Variants in VAV2 observed in about 807,000 individuals in gnomAD.
VAV2 encodes guanine nucleotide exchange factor VAV2.
VAV2 carries 67 observed loss-of-function variants against 132.5 expected under a neutral mutation model. That is an observed-to-expected ratio of 0.51 (90% CI 0.42 to 0.62). VAV2 has a LOEUF of 0.62. VAV2 is among the 20% of genes least tolerant of loss of function. The pLI, the probability that VAV2 is intolerant of heterozygous loss-of-function variation, is 0.00. For missense variants in VAV2, 938 were observed against 1,153.6 expected, an observed-to-expected ratio of 0.81 and a Z score of 2.71; for synonymous variants, 492 against 443.5, an observed-to-expected ratio of 1.11 and a Z score of -1.37.
chr9:133,897,195 G>A (rs898771422), intron 2 of VAV2, among the ~76,000 whole-genome samples: 2 of 152,192 alleles, frequency 1.3e-5, no homozygotes, highest in African/African-American at 2.4e-5. Context: ...GCTGAAGGAC[G>A]CGGGAAAATG....
intron 15 of VAV2, 138 bp from the exon 16 acceptor site, chr9:133,787,398 G>A: frequency 2.0e-6 from 2 of 1,007,098 alleles, no homozygotes; most frequent in Non-Finnish European, 1.3e-6. Flanking sequence ...CTGGGGGTGG[G>A]GTGATCAGTG....
chr9:133,795,858 G>C (rs944761435), intron 11 of VAV2, 122 bp from the exon 12 acceptor site: 1 of 1,053,392 alleles, frequency 9.5e-7, no homozygotes, highest in Non-Finnish European at 1.4e-6. Context: ...ACCCCCACCC[G>C]CCAGCCAGGC....
chr9:133,879,848 G>A lies in VAV2; in HGVS notation c.322-18416C>T, dbSNP rs750140933. On this transcript the variant is annotated intron_variant, in intron 2 of 29. Transcript: ENST00000371850. The surrounding 1 kb of genome is among the most constrained non-coding windows in gnomAD (Gnocchi z 4.4). ...TTATGGAAACAGATGGAAACCGGCCGCAGACGAAGCTCTGGCATCCAGATT... is the reference window on the plus strand; with the variant it reads ...TTATGGAAACAGATGGAAACCGGCCACAGACGAAGCTCTGGCATCCAGATT... 3.4e-4 allele frequency among the ~76,000 whole-genome samples: 52 copies of A among 152,354 alleles called. No homozygotes were observed. Among genetic ancestry groups the A allele is most frequent in the Admixed American group, 4.6e-4 (7 of 15,308 alleles).
At chr9:133,977,289 G>A (rs1165051907) in intron 1 of VAV2, among the ~76,000 whole-genome samples, 2 of 152,232 alleles carry the variant, frequency 1.3e-5, no homozygotes, top group South Asian at 2.1e-4. Flanking sequence ...TCTGAAGGGG[G>A]TCTTGGCTTT....
At chr9:133,910,111 A>C (rs1020777796) in intron 2 of VAV2, among the ~76,000 whole-genome samples, 2 of 151,726 alleles carry the variant, frequency 1.3e-5, no homozygotes, top group Non-Finnish European at 1.5e-5. Context: ...AGCTTCCCCC[A>C]CCCCAGCCCT....
intron 4 of VAV2, among the ~76,000 whole-genome samples, chr9:133,820,279 G>A (rs1481838482): frequency 6.6e-6 from 1 of 152,086 alleles, no homozygotes; most frequent in Non-Finnish European, 1.5e-5. Context: ...ACTGCTACCT[G>A]GCTTCTTGGC....
intron 1 of VAV2, among the ~76,000 whole-genome samples, chr9:133,948,850 C>A (rs1216774905): frequency 6.6e-6 from 1 of 152,242 alleles, no homozygotes; most frequent in South Asian, 2.1e-4. Flanking sequence ...GGAGAAACGG[C>A]TCAGGGACCA....
chr9:133,943,182 T>G (rs191507247), intron 1 of VAV2, among the ~76,000 whole-genome samples: 1 of 152,118 alleles, frequency 6.6e-6, no homozygotes, highest in Non-Finnish European at 1.5e-5. Context: ...CTGTACCCCT[T>G]TCCTCAGTGG....
rs536243453 is a variant in VAV2, at chr9:133,773,016, G to A, written c.2136-970C>T. ...AGCCTACTGCACACCCCACACCTAG[G>A]CTGGACGGCAGAGCCTACTGCACAC... On this transcript the variant is annotated intron_variant, in intron 25 of 29. Coordinates refer to ENST00000371850, the MANE Select transcript of VAV2 (RefSeq NM_001134398.2). 1.9e-3 allele frequency among the ~76,000 whole-genome samples: 257 copies of A among 135,924 alleles called. 2 individuals are homozygous for A. Among genetic ancestry groups the A allele is most frequent in the African/African-American group, 6.4e-3 (236 of 36,684 alleles). 89.2% of individuals were successfully genotyped at this position (135,924 alleles called of 152,430 possible). A position where few individuals can be genotyped will look rare whatever the true frequency, so the allele number is the denominator to read the frequency against.
chr9:133,780,042 A>G (rs1194748764), intron 20 of VAV2, 103 bp from the exon 21 acceptor site: 1 of 1,504,236 alleles, frequency 6.6e-7, no homozygotes, highest in South Asian at 1.2e-5. Context: ...TAGTTCCTAG[A>G]TAGAGGGGTC....
At chr9:133,797,271 C>T (rs566676200) in intron 10 of VAV2, among the ~76,000 whole-genome samples, 5 of 151,986 alleles carry the variant, frequency 3.3e-5, no homozygotes, top group African/African-American at 1.2e-4. Flanking sequence ...CCCGGGACTC[C>T]CTGGGGTCAG....
intron 2 of VAV2, among the ~76,000 whole-genome samples, chr9:133,933,521 TGATGGACGAATGGATGAGTG>T (rs1840762959): frequency 7.4e-6 from 1 of 136,024 alleles, no homozygotes; most frequent in Admixed American, 7.5e-5. Context: ...GATGGATGAA[TGATGGACGAATGGATGAGTG>T]GATGGATGGA....
At position 133,912,766 on chromosome 9, in the gene VAV2, A is replaced by C. The variant is rs1839928837; in HGVS notation, c.321+26337T>G. ...CTTTTATTTCTGCACTAAGCTAATAAGTACTTGTTCAGCCCCTCTAAAATC... is the reference window on the plus strand; with the variant it reads ...CTTTTATTTCTGCACTAAGCTAATACGTACTTGTTCAGCCCCTCTAAAATC... On this transcript the variant is annotated intron_variant, in intron 2 of 29. Transcript: ENST00000371850. The surrounding 1 kb of genome is among the most constrained non-coding windows in gnomAD (Gnocchi z 4.3). Among the ~76,000 whole-genome samples, 1 of 152,184 alleles carries C rather than the reference A, an allele frequency of 6.6e-6. No individual in the cohort carries two copies. The highest frequency in any genetic ancestry group is 1.5e-5 in the Non-Finnish European group (1 of 68,034).
rs757780660 is a variant in VAV2, at chr9:133,795,693, A to G, written c.1076T>C (p.Leu359Pro). Residue 359 changes from leucine to proline, a missense_variant, in exon 12 of 30, where the codon CTC (leucine) becomes CCC (proline). Leu to Pro is a moderately conservative substitution (Grantham distance 98, BLOSUM62 -3). Coordinates refer to ENST00000371850, the MANE Select transcript of VAV2 (RefSeq NM_001134398.2). ...CTGCATGGCTTCCAGTGCTTCTTTG[A>G]GCTGCTGCCTCTCAGGCCGTTCCGC... ...HSAERPERQQ[L>P]KEALEAMQDL... 6.2e-7 allele frequency: 1 copy of G among 1,614,104 alleles called. No individual in the cohort carries two copies. Among genetic ancestry groups the G allele is most frequent in the Non-Finnish European group, 8.5e-7 (1 of 1,179,996 alleles).
intron 2 of VAV2, among the ~76,000 whole-genome samples, chr9:133,880,638 G>A (rs1278487610): frequency 6.6e-6 from 1 of 152,178 alleles, no homozygotes; most frequent in Non-Finnish European, 1.5e-5. Flanking sequence ...GACATAAAGG[G>A]GAAACTGAGG....
chr9:133,876,389 G>A (rs775690740), intron 2 of VAV2, among the ~76,000 whole-genome samples: 22 of 152,238 alleles, frequency 1.4e-4, no homozygotes, highest in Non-Finnish European at 2.9e-4. Context: ...GGCAAGGGAC[G>A]GGGTGGGTGT....
rs534933639 is a variant in VAV2, at chr9:133,897,529, C to T, written c.322-36097G>A. ...GGGTCCCAGGAGGGTGAGCTCCTTC[C>T]TGTCTCCCCCAGCCCAGAGCTGAGC... On this transcript the variant is annotated intron_variant, in intron 2 of 29. Coordinates refer to ENST00000371850, the MANE Select transcript of VAV2 (RefSeq NM_001134398.2). 1.8e-4 allele frequency among the ~76,000 whole-genome samples: 27 copies of T among 152,266 alleles called. No homozygotes were observed. In the South Asian group the frequency reaches 3.3e-3, roughly 19 times the overall value.
rs148767369 is a variant in VAV2 at position 133,884,557 on chromosome 9, C to T, written c.322-23125G>A. On this transcript the variant is annotated intron_variant, in intron 2 of 29. Coordinates refer to ENST00000371850, the MANE Select transcript of VAV2 (RefSeq NM_001134398.2). This position sits in a 1 kb window ranked among gnomAD's most constrained non-coding sequence, Gnocchi z 5.3. ...GCCTCTCCACCCAGGCCAGCCTCTCCACCCAGGCTGGTTCCCAGGCTGTTA... is the reference window on the plus strand; with the variant it reads ...GCCTCTCCACCCAGGCCAGCCTCTCTACCCAGGCTGGTTCCCAGGCTGTTA... Among the ~76,000 whole-genome samples, 1,355 of 152,260 alleles carry T rather than the reference C, an allele frequency of 8.9e-3. 11 individuals are homozygous for T. Among genetic ancestry groups the T allele is most frequent in the Middle Eastern group, 0.031 (9 of 294 alleles).
Position 133,763,992 on chromosome 9 carries a change from C to G in VAV2, c.*70G>C. ...ATTTCCCCTCTGAGTCACAGAGGAG[C>G]TAGAGACAGACTTCAGGGCTGGAGT... On this transcript the variant is annotated 3_prime_UTR_variant, in exon 30 of 30. Coordinates refer to ENST00000371850, the MANE Select transcript of VAV2 (RefSeq NM_001134398.2). This position sits in a 1 kb window ranked among gnomAD's most constrained non-coding sequence, Gnocchi z 6.8. The G allele has an allele frequency of 6.3e-7, 1 of 1,579,080 alleles. No individual in the cohort carries two copies. Among genetic ancestry groups the G allele is most frequent in the East Asian group, 2.2e-5 (1 of 44,682 alleles).
Sources: allele counts gnomAD v4.1 joint callset (sites outside exome capture counted in the v4.1 genomes callset), GRCh38; gene constraint gnomAD v4.1.1; non-coding constraint Gnocchi (gnomAD v3.1); transcripts MANE v1.5; gene names NCBI Gene and HGNC (gene_info 2026-07-23, HGNC 2026-07-21).